GRIK2: variants seen among roughly 807,000 people sequenced by gnomAD.
The protein encoded by GRIK2 is glutamate receptor ionotropic, kainate 2.
A neutral mutation model predicts 100.3 loss-of-function variants in GRIK2; 32 were observed. The ratio of observed to expected loss-of-function variants is 0.32; its 90% CI spans 0.24 to 0.43. The LOEUF (loss-of-function observed/expected upper bound fraction) is 0.43, where lower values mean the gene tolerates loss of function less well. Ranked by LOEUF, GRIK2 falls within the 20% of genes least tolerant of loss-of-function variation. GRIK2 has a pLI of 1.00. For missense variants in GRIK2, 843 were observed against 1,114.9 expected (o/e 0.76, Z 3.47); for synonymous variants, 417 against 389.4 (o/e 1.07, Z -0.83).
At chr6:101,638,584 G>T (rs1048346760) in intron 4 of GRIK2, among the ~76,000 whole-genome samples, 1 of 151,952 alleles carries the variant, frequency 6.6e-6, no homozygotes, top group Non-Finnish European at 1.5e-5. Flanking sequence ...GGGGAAAATA[G>T]ATTAAGAATT....
intron 1 of GRIK2, chr6:101,398,738 A>G (rs1302182126): frequency 5.9e-6 from 2 of 337,472 alleles, no homozygotes; most frequent in African/African-American, 4.2e-5. Context: ...GGGCTGTCAG[A>G]TCGGTTGCAT....
intron 7 of GRIK2, among the ~76,000 whole-genome samples, chr6:101,751,297 G>A (rs1331744741): frequency 6.6e-6 from 1 of 151,282 alleles, no homozygotes; most frequent in Admixed American, 6.6e-5. Context: ...TTTTAAATAT[G>A]TACAAAAGTA....
At chr6:101,964,536 T>A (rs533166827) in intron 14 of GRIK2, among the ~76,000 whole-genome samples, 2 of 152,230 alleles carry the variant, frequency 1.3e-5, no homozygotes, top group South Asian at 4.1e-4. Context: ...CAGCCTAATG[T>A]CTAGTTCTCA....
chr6:101,687,441 T>C (rs907140630), intron 7 of GRIK2, among the ~76,000 whole-genome samples: 1 of 151,988 alleles, frequency 6.6e-6, no homozygotes, highest in African/African-American at 2.4e-5. Flanking sequence ...AACAAAAACA[T>C]CCTCTATCCT....
At chr6:101,501,234 T>A (rs1223344335) in intron 2 of GRIK2, among the ~76,000 whole-genome samples, 2 of 152,160 alleles carry the variant, frequency 1.3e-5, no homozygotes, top group Non-Finnish European at 2.9e-5. Flanking sequence ...ATTTTAAAAA[T>A]TCCACTAAAT....
intron 2 of GRIK2, among the ~76,000 whole-genome samples, chr6:101,559,901 A>G (rs1372833243): frequency 6.6e-6 from 1 of 152,154 alleles, no homozygotes; most frequent in Non-Finnish European, 1.5e-5. Flanking sequence ...ATATGATGAT[A>G]GAAGAAAGTC....
At chr6:101,431,069 G>A (rs1167797511) in intron 2 of GRIK2, 1 of 255,388 alleles carries the variant, frequency 3.9e-6, no homozygotes, top group Non-Finnish European at 8.4e-6. Flanking sequence ...ATACATGGCA[G>A]GGGGTATCCA....
intron 11 of GRIK2, among the ~76,000 whole-genome samples, chr6:101,866,414 C>T (rs945078624): frequency 1.3e-5 from 2 of 152,142 alleles, no homozygotes; most frequent in Non-Finnish European, 2.9e-5. Context: ...TGTAGTAAAA[C>T]ATCTCATGTA....
At chr6:101,852,180 A>G (rs1002799127) in intron 10 of GRIK2, among the ~76,000 whole-genome samples, 8 of 152,066 alleles carry the variant, frequency 5.3e-5, no homozygotes, top group African/African-American at 1.9e-4. Context: ...CCTTTTAAGT[A>G]AAACAAAACA....
At chr6:102,020,886 G>T (rs1769387419) in intron 14 of GRIK2, among the ~76,000 whole-genome samples, 1 of 151,686 alleles carries the variant, frequency 6.6e-6, no homozygotes, top group Non-Finnish European at 1.5e-5. Flanking sequence ...TTTCAAAAGA[G>T]GAACTTGAAA....
intron 16 of GRIK2, 45 bp downstream of exon 16, chr6:102,055,625 G>T (rs764704668): frequency 6.9e-7 from 1 of 1,453,936 alleles, no homozygotes; most frequent in African/African-American, 1.4e-5. Context: ...AATTTTTGTT[G>T]TTACAATAAA....
At chr6:101,763,569 G>A (rs1777862228) in intron 7 of GRIK2, among the ~76,000 whole-genome samples, 1 of 152,054 alleles carries the variant, frequency 6.6e-6, no homozygotes, top group East Asian at 1.9e-4. Flanking sequence ...ATCCCCTTTT[G>A]AATTCATCTC....
intron 14 of GRIK2, among the ~76,000 whole-genome samples, chr6:101,995,921 T>G (rs2128493566): frequency 6.6e-6 from 1 of 152,148 alleles, no homozygotes; most frequent in East Asian, 1.9e-4. Context: ...GGCTTAAAAT[T>G]TATACAATTC....
chr6:101,513,950 C>G (rs375086615), intron 2 of GRIK2, among the ~76,000 whole-genome samples: 22 of 151,916 alleles, frequency 1.4e-4, no homozygotes, highest in African/African-American at 5.3e-4. Flanking sequence ...AGGTAGAGAT[C>G]AACAAATCAA....
chr6:101,876,606 T>C (rs1369294234), intron 11 of GRIK2, among the ~76,000 whole-genome samples: 1 of 151,712 alleles, frequency 6.6e-6, no homozygotes, highest in Non-Finnish European at 1.5e-5. Flanking sequence ...TTAGCAAAGT[T>C]CAAAGAGAGC....
At chr6:101,853,288 T>C (rs1784243413) in intron 10 of GRIK2, among the ~76,000 whole-genome samples, 1 of 152,160 alleles carries the variant, frequency 6.6e-6, no homozygotes, top group Admixed American at 6.5e-5. Flanking sequence ...AATTTAAATG[T>C]CAAATGAAAA....
chr6:101,986,688 TAC>T (rs1013196705), intron 14 of GRIK2, among the ~76,000 whole-genome samples: 42 of 152,042 alleles, frequency 2.8e-4, no homozygotes, highest in African/African-American at 9.4e-4. Flanking sequence ...GTATTATGTC[TAC>T]ACCTGATTAT....
chr6:101,650,785 A>G (rs1781748121), intron 4 of GRIK2, among the ~76,000 whole-genome samples: 1 of 151,952 alleles, frequency 6.6e-6, no homozygotes, highest in South Asian at 2.1e-4. Flanking sequence ...CAGTTAACTG[A>G]CTTGAAAAAT....
intron 7 of GRIK2, among the ~76,000 whole-genome samples, chr6:101,756,971 T>G (rs1777173437): frequency 6.6e-6 from 1 of 152,174 alleles, no homozygotes; most frequent in Non-Finnish European, 1.5e-5. Context: ...AGATATGCAT[T>G]TAATTTTGAA....
Sources: gnomAD v4.1 joint callset for allele counts (sites outside exome capture counted in the v4.1 genomes callset) on GRCh38, gnomAD v4.1.1 for gene constraint, MANE v1.5 for transcripts, NCBI Gene and HGNC (gene_info 2026-07-23, HGNC 2026-07-21) for gene names.